The following NOL10 variants were observed in gnomAD, a reference collection of about 807,000 sequenced individuals.
NOL10 encodes the protein nucleolar protein 10.
In NOL10, 58 loss-of-function variants were observed where a neutral mutation model predicts 103.5. The observed-to-expected ratio is 0.56, with a 90% CI of 0.45 to 0.70. The LOEUF (loss-of-function observed/expected upper bound fraction) is 0.70, where lower values mean the gene tolerates loss of function less well. Ranked by LOEUF, NOL10 falls within the 30% of genes least tolerant of loss-of-function variation. NOL10 has a pLI of 0.00. For missense variants in NOL10, 763 were observed against 807.3 expected (o/e 0.95, Z 0.67); for synonymous variants, 287 against 282.5 (o/e 1.02, Z -0.16).
intron 11 of NOL10, 58 bp from the exon 12 acceptor site, chr2:10,654,605 T>C (rs1679701839): frequency 2.8e-6 from 3 of 1,066,864 alleles, no homozygotes; most frequent in Non-Finnish European, 4.2e-6. Flanking sequence ...ACTTTGGCAA[T>C]GTCAAACTGA....
chr2:10,645,077 G>A (rs1004353126), intron 12 of NOL10, among the ~76,000 whole-genome samples: 7 of 152,060 alleles, frequency 4.6e-5, no homozygotes, highest in Admixed American at 2.6e-4. Context: ...TAATCATCTA[G>A]GCACTTTCAC....
At chr2:10,595,934 A>G (rs1242677456) in intron 17 of NOL10, among the ~76,000 whole-genome samples, 3 of 152,134 alleles carry the variant, frequency 2.0e-5, no homozygotes, top group Admixed American at 6.5e-5. Flanking sequence ...TGAAATGTTT[A>G]GTTTTTAAAA....
intron 17 of NOL10, among the ~76,000 whole-genome samples, chr2:10,596,757 G>T (rs1230053623): frequency 6.6e-6 from 1 of 152,100 alleles, no homozygotes; most frequent in African/African-American, 2.4e-5. Context: ...GCTGCAGAAT[G>T]AAAGAAAAGT....
intron 19 of NOL10, among the ~76,000 whole-genome samples, chr2:10,587,138 CACAT>C (rs1675112925): frequency 1.3e-4 from 2 of 15,822 alleles, no homozygotes; most frequent in African/African-American, 7.0e-4. Context: ...TACATATATA[CACAT>C]ATATATACAT....
intron 20 of NOL10, 145 bp from the exon 21 acceptor site, chr2:10,572,335 G>A (rs1313042033): frequency 4.6e-6 from 4 of 864,930 alleles, no homozygotes; most frequent in Non-Finnish European, 7.2e-6. Flanking sequence ...AGGGGACATG[G>A]TGGGGCTGCC....
At chr2:10,649,311 AT>A (rs56031158) in intron 12 of NOL10, among the ~76,000 whole-genome samples, 209 of 99,014 alleles carry the variant, frequency 2.1e-3, no homozygotes, top group African/African-American at 4.8e-3. Context: ...GTATGTTTGA[AT>A]TTTTTTTTTT....
At chr2:10,646,845 G>A (rs1035125907) in intron 12 of NOL10, among the ~76,000 whole-genome samples, 1 of 152,126 alleles carries the variant, frequency 6.6e-6, no homozygotes, top group African/African-American at 2.4e-5. Flanking sequence ...GCATGATCAA[G>A]TAAGAAACCA....
chr2:10,638,609 A>G (rs1416622237), intron 13 of NOL10, among the ~76,000 whole-genome samples: 1 of 144,416 alleles, frequency 6.9e-6, no homozygotes, highest in Non-Finnish European at 1.5e-5. Context: ...CTCCTGCCTC[A>G]GCCTCCCAAG....
intron 5 of NOL10, among the ~76,000 whole-genome samples, chr2:10,672,994 CA>C (rs372610964): frequency 6.8e-6 from 1 of 146,178 alleles, no homozygotes; most frequent in African/African-American, 2.5e-5. Context: ...GCCCTGTCTC[CA>C]AAAAAAAAGA....
intron 19 of NOL10, among the ~76,000 whole-genome samples, chr2:10,585,350 T>C (rs1056714368): frequency 1.3e-5 from 2 of 152,184 alleles, no homozygotes; most frequent in Non-Finnish European, 2.9e-5. Context: ...CTGGAGAATG[T>C]AAAATGGCAC....
At chr2:10,575,303 C>T (rs533134926) in intron 20 of NOL10, among the ~76,000 whole-genome samples, 1 of 152,330 alleles carries the variant, frequency 6.6e-6, no homozygotes, top group South Asian at 2.1e-4. Flanking sequence ...TTAGGAGGTA[C>T]ATATGCAAAC....
At chr2:10,619,077 T>C (rs1337813130) in intron 13 of NOL10, among the ~76,000 whole-genome samples, 2 of 152,338 alleles carry the variant, frequency 1.3e-5, no homozygotes, top group African/African-American at 4.8e-5. Context: ...CAGATATTCC[T>C]AAAACATTTA....
chr2:10,669,550 T>C (rs1486645132), intron 6 of NOL10, among the ~76,000 whole-genome samples: 1 of 143,622 alleles, frequency 7.0e-6, no homozygotes, highest in Admixed American at 7.0e-5. Flanking sequence ...ACAAACATAA[T>C]AGCCACCAGT....
chr2:10,642,212 T>C (rs187489797), intron 13 of NOL10, among the ~76,000 whole-genome samples: 1 of 152,300 alleles, frequency 6.6e-6, no homozygotes, highest in East Asian at 1.9e-4. Context: ...TCTCTATCAA[T>C]GAACACCTCT....
chr2:10,639,017 G>A (rs1490017063), intron 13 of NOL10, among the ~76,000 whole-genome samples: 1 of 150,080 alleles, frequency 6.7e-6, no homozygotes, highest in Non-Finnish European at 1.5e-5. Context: ...TTGCTAGGCT[G>A]GTCTCAAACT....
chr2:10,677,961 G>GCACACA (rs60219622), intron 3 of NOL10, among the ~76,000 whole-genome samples: 34 of 149,064 alleles, frequency 2.3e-4, no homozygotes, highest in African/African-American at 6.2e-4. Flanking sequence ...AATTTTATGT[G>GCACACA]CACACACACA....
At chr2:10,621,260 G>A (rs1272494284) in intron 13 of NOL10, among the ~76,000 whole-genome samples, 1 of 152,094 alleles carries the variant, frequency 6.6e-6, no homozygotes, top group African/African-American at 2.4e-5. Flanking sequence ...TGATAGGGGT[G>A]GTGGTGAGAG....
chr2:10,576,044 A>G (rs1289411383), intron 20 of NOL10, among the ~76,000 whole-genome samples: 3 of 152,218 alleles, frequency 2.0e-5, no homozygotes, highest in African/African-American at 7.2e-5. Flanking sequence ...AATTTTAGAG[A>G]AATCAGAGAT....
chr2:10,638,329 T>TAAC (rs1352826189), intron 13 of NOL10, among the ~76,000 whole-genome samples: 1,444 of 124,774 alleles, frequency 0.012, 14 homozygotes, highest in African/African-American at 0.036. Context: ...TGACGTGACG[T>TAAC]GACGTAACGT....
Sources: allele counts gnomAD v4.1 joint callset (sites outside exome capture counted in the v4.1 genomes callset), GRCh38; gene constraint gnomAD v4.1.1; transcripts MANE v1.5; gene names NCBI Gene and HGNC (gene_info 2026-07-23, HGNC 2026-07-21).